The following COG5 variants were observed in gnomAD, a reference collection of about 807,000 sequenced individuals.
COG5 encodes component of oligomeric golgi complex 5.
Under a neutral mutation model 110.4 loss-of-function variants are expected in COG5, and 86 were observed. The observed-to-expected ratio is 0.78, with a 90% CI of 0.65 to 0.93. The LOEUF is 0.93. Ranked by LOEUF, COG5 falls within the 40% of genes least tolerant of loss-of-function variation. COG5 has a pLI of 0.00. For missense variants in COG5, 1,077 were observed against 987.0 expected (o/e 1.09, Z -1.22); for synonymous variants, 360 against 334.6 (o/e 1.08, Z -0.83).
At chr7:107,563,754 G>A in intron 1 of COG5, 49 bp downstream of exon 1, 2 of 1,596,092 alleles carry the variant, frequency 1.3e-6, no homozygotes, top group South Asian at 2.2e-5. Context: ...CAGGTGCGGA[G>A]CAGCGCAGAC....
At chr7:107,327,542 T>C (rs964039672) in intron 10 of COG5, among the ~76,000 whole-genome samples, 1 of 152,026 alleles carries the variant, frequency 6.6e-6, no homozygotes, top group Non-Finnish European at 1.5e-5. Flanking sequence ...GCTAACCATA[T>C]ATCTAATAAG....
At chr7:107,491,536 C>A (rs1242104603) in intron 6 of COG5, among the ~76,000 whole-genome samples, 4 of 152,104 alleles carry the variant, frequency 2.6e-5, no homozygotes, top group Non-Finnish European at 4.4e-5. Context: ...TATTACTTCT[C>A]CCAGGAAAAA....
chr7:107,523,966 T>C (rs191520397), intron 6 of COG5, among the ~76,000 whole-genome samples: 51 of 152,336 alleles, frequency 3.3e-4, no homozygotes, highest in African/African-American at 1.2e-3. Flanking sequence ...GATATGTTCC[T>C]ACAAAGACTT....
intron 6 of COG5, among the ~76,000 whole-genome samples, chr7:107,430,213 T>G (rs1055641014): frequency 3.3e-5 from 5 of 152,202 alleles, no homozygotes; most frequent in African/African-American, 1.2e-4. Flanking sequence ...TTCTAACAGA[T>G]TGTATGGTTT....
intron 1 of COG5, chr7:107,563,458 T>C (rs1804103024): frequency 5.0e-6 from 2 of 401,152 alleles, no homozygotes; most frequent in South Asian, 4.2e-5. Flanking sequence ...GCTACACCCC[T>C]TCGTCAAGAA....
At chr7:107,513,806 C>A (rs1005354225) in intron 6 of COG5, among the ~76,000 whole-genome samples, 1 of 152,064 alleles carries the variant, frequency 6.6e-6, no homozygotes, top group South Asian at 2.1e-4. Context: ...GGACAAAAAA[C>A]CAAACACCAT....
intron 12 of COG5, among the ~76,000 whole-genome samples, chr7:107,296,510 G>A (rs985117931): frequency 7.3e-5 from 11 of 151,250 alleles, no homozygotes; most frequent in African/African-American, 2.7e-4. Context: ...AAGAGTTATT[G>A]AGAAGATAAT....
intron 10 of COG5, among the ~76,000 whole-genome samples, chr7:107,334,884 G>A (rs1810577141): frequency 1.3e-5 from 2 of 152,018 alleles, no homozygotes; most frequent in African/African-American, 4.8e-5. Flanking sequence ...CTCTAATACT[G>A]TAACTGTGCT....
chr7:107,434,806 T>C (rs933109503), intron 6 of COG5, among the ~76,000 whole-genome samples: 1 of 151,864 alleles, frequency 6.6e-6, no homozygotes, highest in Non-Finnish European at 1.5e-5. Context: ...CTGTCTCTAC[T>C]AAAAATACAA....
rs1055289845 is a variant in COG5, at chr7:107,219,051, CAA to C, written c.2169-7828_2169-7827del. The stretch of plus-strand genomic sequence containing the variant: ...GCAAAAAACCTGAATAGATGTTTCT[CAA>C]AAAAAGTCATATAAATGACCAACAG... On this transcript the variant is annotated intron_variant, in intron 19 of 21. Transcript: ENST00000297135. 3.4e-4 allele frequency among the ~76,000 whole-genome samples: 51 copies of C among 151,944 alleles called. 1 individual carries two copies. Among genetic ancestry groups the C allele is most frequent in the Middle Eastern group, 3.4e-3 (1 of 292 alleles).
chr7:107,362,329 A>G lies in COG5; in HGVS notation c.927T>C (p.His309=), dbSNP rs140684568. 226 of 1,610,052 alleles carry G rather than the reference A, an allele frequency of 1.4e-4. 1 individual carries two copies. The African/African-American group carries it at 2.6e-3, about 18-fold the overall frequency. ...FWTNMEKLMD[H]IYAVCGQVQH... is the part of the protein sequence containing the mutation. ...TTACCTGTCCACAAACAGCATAAATATGATCCATAAGTTTCTCCATATTGG... is the reference window on the plus strand; with the variant it reads ...TTACCTGTCCACAAACAGCATAAATGTGATCCATAAGTTTCTCCATATTGG... The change falls in exon 9 of 22, where the codon CAT becomes CAC. Residue 309 remains histidine (H), a synonymous_variant. Coordinates refer to ENST00000297135, the MANE Select transcript of COG5 (RefSeq NM_006348.5).
intron 7 of COG5, among the ~76,000 whole-genome samples, chr7:107,389,198 G>A (rs1423997952): frequency 1.3e-5 from 2 of 151,914 alleles, no homozygotes; most frequent in East Asian, 3.9e-4. Flanking sequence ...TGGCTAGGAG[G>A]GATAGATTTA....
intron 3 of COG5, among the ~76,000 whole-genome samples, chr7:107,551,135 G>A (rs1019400571): frequency 6.6e-5 from 10 of 151,882 alleles, no homozygotes; most frequent in South Asian, 2.1e-4. Context: ...CTCCACCTCC[G>A]GGGTTCACGC....
chr7:107,519,846 G>C (rs530176283), intron 6 of COG5, among the ~76,000 whole-genome samples: 3 of 152,180 alleles, frequency 2.0e-5, no homozygotes, highest in Admixed American at 6.5e-5. Flanking sequence ...AACAAAAAAA[G>C]AAAACTTCAG....
chr7:107,477,193 T>A (rs1797044692), intron 6 of COG5, among the ~76,000 whole-genome samples: 1 of 151,726 alleles, frequency 6.6e-6, no homozygotes, highest in Non-Finnish European at 1.5e-5. Flanking sequence ...AATCTTCTTT[T>A]ATTTTTTACC....
intron 12 of COG5, among the ~76,000 whole-genome samples, chr7:107,286,367 T>C (rs1383380867): frequency 6.6e-6 from 1 of 152,212 alleles, no homozygotes. Flanking sequence ...GCTTCCAGCC[T>C]CCATCAGCCC....
intron 7 of COG5, among the ~76,000 whole-genome samples, chr7:107,395,998 T>A (rs1263726376): frequency 6.6e-6 from 1 of 152,208 alleles, no homozygotes; most frequent in African/African-American, 2.4e-5. Context: ...AATCCTAATA[T>A]TTATGAAGAA....
rs530323655 is a variant in COG5 at position 107,414,703 on chromosome 7, C to CTTTTTTTTTTTTTTTTTTTTTTTTTT, written c.539-2097_539-2072dup. ...ATTGATTCCAAAATCCTCACTGTCC[C>CTTTTTTTTTTTTTTTTTTTTTTTTTT]TTTTTTTTTTTTTTTTTTTTTTTTT... is the stretch of plus-strand genomic sequence containing the variant. On this transcript the variant is annotated intron_variant, in intron 6 of 21. Transcript: ENST00000297135. Among the ~76,000 whole-genome samples the CTTTTTTTTTTTTTTTTTTTTTTTTTT allele has an allele frequency of 4.9e-5, 3 of 61,716 alleles. 1 individual carries two copies. The highest frequency in any genetic ancestry group is 4.0e-4 in the East Asian group (1 of 2,490). 40.5% of individuals were successfully genotyped at this position (61,716 alleles called of 152,430 possible).
chr7:107,332,378 A>G (rs995100849), intron 10 of COG5, among the ~76,000 whole-genome samples: 1 of 152,174 alleles, frequency 6.6e-6, no homozygotes, highest in African/African-American at 2.4e-5. Flanking sequence ...TAAAATAAAG[A>G]TTGAGCATAA....
Sources: allele counts gnomAD v4.1 joint callset (sites outside exome capture counted in the v4.1 genomes callset), GRCh38; gene constraint gnomAD v4.1.1; transcripts MANE v1.5; gene names NCBI Gene and HGNC (gene_info 2026-07-23, HGNC 2026-07-21).